APP: variants seen among roughly 807,000 people sequenced by gnomAD.
The protein encoded by APP is amyloid beta precursor protein.
In APP, 31 loss-of-function variants were observed where a neutral mutation model predicts 101.4. That is an observed-to-expected ratio of 0.31 (90% CI 0.23 to 0.41). APP has a LOEUF of 0.41. Among genes scored for constraint, APP ranks in the 10% least tolerant of loss-of-function variants. The pLI is 1.00. For synonymous variants in APP, 366 were observed against 364.4 expected (o/e 1.00, Z -0.05); for missense variants, 839 against 1,003.7 (o/e 0.84, Z 2.22).
At chr21:26,116,468 T>G (rs1383956469) in intron 1 of APP, among the ~76,000 whole-genome samples, 1 of 152,238 alleles carries the variant, frequency 6.6e-6, no homozygotes, top group Non-Finnish European at 1.5e-5. Flanking sequence ...GTTGCTACAA[T>G]TTTCAATTAA....
At chr21:26,116,703 G>C (rs1310112874) in intron 1 of APP, among the ~76,000 whole-genome samples, 5 of 152,336 alleles carry the variant, frequency 3.3e-5, no homozygotes, top group African/African-American at 1.2e-4. Context: ...AGAGGGCACA[G>C]ATCCATAGCT....
intron 1 of APP, among the ~76,000 whole-genome samples, chr21:26,168,354 G>C (rs1262612767): frequency 1.3e-5 from 2 of 152,130 alleles, no homozygotes; most frequent in Non-Finnish European, 2.9e-5. Context: ...GAGAGAACCA[G>C]ATAAACCACC....
At chr21:26,068,330 C>T (rs906085404) in intron 3 of APP, 1 of 152,024 alleles carries the variant, frequency 6.6e-6, no homozygotes, top group Non-Finnish European at 1.5e-5. Flanking sequence ...CTCTTCTCAG[C>T]CCTCCAGTTC....
rs542692220 is a variant in APP, at chr21:25,925,195, G to A, written c.1688-13233C>T. Among the ~76,000 whole-genome samples, 19 of 151,166 alleles carry A rather than the reference G, an allele frequency of 1.3e-4. No individual in the cohort carries two copies. The South Asian group carries it at 3.8e-3, about 30-fold the overall frequency. Reference sequence around the variant, plus strand: ...CAAGCGGTCACCCACTTCCAGCTAGGCATTTTGCCACACCAGGGCTATGAG... The same window carrying A: ...CAAGCGGTCACCCACTTCCAGCTAGACATTTTGCCACACCAGGGCTATGAG... On this transcript the variant is annotated intron_variant, in intron 13 of 17. Transcript: ENST00000346798.
At chr21:26,061,546 G>A (rs371399396) in intron 3 of APP, among the ~76,000 whole-genome samples, 2 of 152,312 alleles carry the variant, frequency 1.3e-5, no homozygotes, top group Non-Finnish European at 2.9e-5. Flanking sequence ...TTACTTCACA[G>A]AAACAGCCAA....
intron 14 of APP, among the ~76,000 whole-genome samples, chr21:25,905,748 A>G (rs770128016): frequency 3.9e-5 from 6 of 152,172 alleles, no homozygotes; most frequent in Non-Finnish European, 7.3e-5. Context: ...ATTGTTCACA[A>G]TTTTCCCTTT....
intron 1 of APP, among the ~76,000 whole-genome samples, chr21:26,164,125 A>G (rs1452131512): frequency 6.6e-6 from 1 of 152,168 alleles, no homozygotes; most frequent in African/African-American, 2.4e-5. Flanking sequence ...CACGCCTGTA[A>G]TCCCAGCTAC....
chr21:25,975,375 A>G (rs905860591), intron 10 of APP, 147 bp from the exon 11 acceptor site: 1 of 1,073,566 alleles, frequency 9.3e-7, no homozygotes, highest in African/African-American at 1.6e-5. Context: ...AACATTGACT[A>G]ATTCTACGTT....
intron 1 of APP, among the ~76,000 whole-genome samples, chr21:26,139,126 A>C (rs1337048119): frequency 1.3e-5 from 2 of 152,182 alleles, no homozygotes; most frequent in Non-Finnish European, 2.9e-5. Context: ...CAATGATGCA[A>C]CATTACGTAA....
chr21:25,931,772 G>A (rs1459979220), intron 13 of APP, among the ~76,000 whole-genome samples: 1 of 152,140 alleles, frequency 6.6e-6, no homozygotes, highest in Non-Finnish European at 1.5e-5. Context: ...GAGAAAATAT[G>A]GGGGAGAAAG....
intron 3 of APP, among the ~76,000 whole-genome samples, chr21:26,057,734 G>A (rs1443740027): frequency 1.3e-5 from 2 of 152,140 alleles, no homozygotes; most frequent in Non-Finnish European, 2.9e-5. Context: ...ACTGGCAGAA[G>A]AACTAGACTG....
chr21:26,076,082 C>T (rs547811789), intron 3 of APP, among the ~76,000 whole-genome samples: 85 of 152,082 alleles, frequency 5.6e-4, no homozygotes, highest in East Asian at 1.4e-3. Context: ...TTAGTAGAGA[C>T]GGGGTTTCAC....
At chr21:26,061,388 A>AT (rs1251231985) in intron 3 of APP, among the ~76,000 whole-genome samples, 2 of 152,122 alleles carry the variant, frequency 1.3e-5, no homozygotes, top group Non-Finnish European at 2.9e-5. Context: ...TTCTTAAGTG[A>AT]TTTTTTATTT....
At chr21:25,900,572 A>G (rs1213664371) in intron 15 of APP, among the ~76,000 whole-genome samples, 2 of 151,730 alleles carry the variant, frequency 1.3e-5, no homozygotes, top group Admixed American at 6.6e-5. Context: ...AAAATAAATA[A>G]ATAAATAAAA....
At chr21:26,017,719 T>C (rs1219758923) in intron 6 of APP, among the ~76,000 whole-genome samples, 1 of 152,186 alleles carries the variant, frequency 6.6e-6, no homozygotes, top group African/African-American at 2.4e-5. Flanking sequence ...AATTTAGAAT[T>C]TATGGCTCAA....
chr21:25,933,008 A>G (rs1327630844), intron 13 of APP, among the ~76,000 whole-genome samples: 1 of 152,216 alleles, frequency 6.6e-6, no homozygotes, highest in Non-Finnish European at 1.5e-5. Context: ...ATAGATGTGC[A>G]TATTTTCAGA....
chr21:25,895,040 A>G (rs977569006), intron 16 of APP, among the ~76,000 whole-genome samples: 49 of 152,188 alleles, frequency 3.2e-4, no homozygotes, highest in African/African-American at 1.1e-3. Context: ...GGACTTGCTG[A>G]AGACTCAGAT....
Position 25,880,622 on chromosome 21 carries a change from G to C in APP, c.*1048C>G, listed in dbSNP as rs924725706. The stretch of plus-strand genomic sequence containing the variant: ...AAATTGAAGACACATCTTAAAAGAA[G>C]GGTTTGTCCAGGCATGCCTTCCTCA... On this transcript the variant is annotated 3_prime_UTR_variant, in exon 18 of 18. Transcript: ENST00000346798. 1.3e-5 allele frequency: 2 copies of C among 152,250 alleles called. No homozygotes were observed. The highest frequency in any genetic ancestry group is 3.9e-4 in the East Asian group (2 of 5,184). 9.4% of individuals were successfully genotyped at this position (152,250 alleles called of 1,614,324 possible). A position where few individuals can be genotyped will look rare whatever the true frequency, so the allele number is the denominator to read the frequency against.
chr21:26,097,876 C>T (rs1032928009), intron 2 of APP, among the ~76,000 whole-genome samples: 2 of 151,898 alleles, frequency 1.3e-5, no homozygotes, highest in Non-Finnish European at 2.9e-5. Flanking sequence ...GTCAGTAGAT[C>T]GAGACCATCC....
Sources: allele counts gnomAD v4.1 joint callset (sites outside exome capture counted in the v4.1 genomes callset), GRCh38; gene constraint gnomAD v4.1.1; transcripts MANE v1.5; gene names NCBI Gene and HGNC (gene_info 2026-07-23, HGNC 2026-07-21).